Variants in EEF2 observed in about 807,000 individuals in gnomAD.
The protein encoded by EEF2 is eukaryotic translation elongation factor 2.
Under a neutral mutation model 85.3 loss-of-function variants are expected in EEF2, and 21 were observed. The observed-to-expected ratio is 0.25, with a 90% CI of 0.17 to 0.35. The LOEUF (loss-of-function observed/expected upper bound fraction) is 0.35. EEF2 is among the 10% of genes least tolerant of loss of function. The pLI is 1.00. For missense variants in EEF2, 825 were observed against 1,225.3 expected (o/e 0.67, Z 4.88); for synonymous variants, 723 against 508.8 (o/e 1.42, Z -5.67).
intron 1 of EEF2, chr19:3,985,002 C>T (rs550110873): frequency 9.5e-5 from 27 of 285,272 alleles, no homozygotes; most frequent in Non-Finnish European, 1.6e-4. Context: ...CGCCCCTAGT[C>T]CCCCGGCAGA....
At chr19:3,981,290 A>C in intron 7 of EEF2, 49 bp downstream of exon 7, 2 of 1,571,402 alleles carry the variant, frequency 1.3e-6, no homozygotes, top group Non-Finnish European at 1.8e-6. Flanking sequence ...AGCATCCGGA[A>C]ACAGCAGCCT....
At chr19:3,984,500 C>T in intron 1 of EEF2, 150 bp from the exon 2 acceptor site, 1 of 777,152 alleles carries the variant, frequency 1.3e-6, no homozygotes, top group Non-Finnish European at 2.1e-6. Flanking sequence ...GCCAGCCTAA[C>T]ACCCCTTAAG....
chr19:3,981,857 C>A (rs556769594), intron 6 of EEF2, 90 bp downstream of exon 6: 24 of 1,211,998 alleles, frequency 2.0e-5, no homozygotes, highest in Middle Eastern at 5.3e-4. Context: ...AGGAGACGGG[C>A]CCAGTCAGCC....
Position 3,976,367 on chromosome 19 carries a change from GAAAT to G in EEF2, c.*183_*186del, listed in dbSNP as rs1412130090. 9 of 683,692 alleles carry G rather than the reference GAAAT, an allele frequency of 1.3e-5. No homozygotes were observed. Among genetic ancestry groups the G allele is most frequent in the South Asian group, 1.2e-4 (6 of 51,684 alleles). 42.4% of individuals were successfully genotyped at this position (683,692 alleles called of 1,614,324 possible). On this transcript the variant is annotated 3_prime_UTR_variant, in exon 15 of 15. Transcript: ENST00000309311. Reference sequence around the variant, plus strand: ...GCGTGTCTGCTGCCTCCGGACTCTGGAAATAAATATTGAAAGAAACGGCATCAAG... The same window carrying G: ...GCGTGTCTGCTGCCTCCGGACTCTGGAAATATTGAAAGAAACGGCATCAAG...
intron 6 of EEF2, 51 bp downstream of exon 6, chr19:3,981,896 C>T: frequency 6.4e-7 from 1 of 1,568,472 alleles, no homozygotes; most frequent in Non-Finnish European, 8.8e-7. Context: ...GCCCACAGGG[C>T]CGAGGGCCAA....
chr19:3,984,990 G>A lies in EEF2; in HGVS notation c.3+388C>T, dbSNP rs536773929. The stretch of plus-strand genomic sequence containing the variant: ...CGCTTTGCTCGTTCTGCCATTCCCT[G>A]CCGCCCCTAGTCCCCCGGCAGAAAA... On this transcript the variant is annotated intron_variant, in intron 1 of 14. Coordinates refer to ENST00000309311, the MANE Select transcript of EEF2 (RefSeq NM_001961.4). 6 of 265,530 alleles carry A rather than the reference G, an allele frequency of 2.3e-5. No individual in the cohort carries two copies. The East Asian group carries it at 3.9e-4, about 17-fold the overall frequency. The allele number at this position is 265,530 out of a possible 1,614,324, so 16.4% of individuals were successfully genotyped here. A position where few individuals can be genotyped will look rare whatever the true frequency, so the allele number is the denominator to read the frequency against.
chr19:3,977,273 C>G lies in EEF2; in HGVS notation c.2325G>C (p.Gln775His), dbSNP rs1334250993. 3.7e-6 allele frequency: 6 copies of G among 1,612,592 alleles called. No individual in the cohort carries two copies. The highest frequency in any genetic ancestry group is 1.1e-5 in the South Asian group (1 of 90,878). ...RKRGHVFEES[Q>H]VAGTPMFVVK... Reference sequence around the variant, plus strand: ...CCACAAACATGGGGGTGCCGGCCACCTGGGACTCCTCGAACACGTGGCCCC... The same window carrying G: ...CCACAAACATGGGGGTGCCGGCCACGTGGGACTCCTCGAACACGTGGCCCC... The change falls in exon 14 of 15, where the codon CAG becomes CAC. Residue 775 changes from glutamine (Q) to histidine (H), a missense_variant. Gln to His is a conservative substitution (Grantham distance 24, BLOSUM62 0). Transcript: ENST00000309311. This position sits in a 1 kb window ranked among gnomAD's most constrained non-coding sequence, Gnocchi z 5.4.
Position 3,984,120 on chromosome 19 carries a change from G to T in EEF2, c.218+16C>A. On this transcript the variant is annotated intron_variant, in intron 2 of 14. Transcript: ENST00000309311. ...AGCACCTCCCTGCCTGGGTACAGAG[G>T]GCACAGGGAGCTCACGTTGACTTGA... is the stretch of plus-strand genomic sequence containing the variant. 1 of 1,612,910 alleles carries T rather than the reference G, an allele frequency of 6.2e-7. No individual in the cohort carries two copies. Among genetic ancestry groups the T allele is most frequent in the South Asian group, 1.1e-5 (1 of 91,026 alleles).
At chr19:3,979,755 C>T (rs2039722328) in intron 10 of EEF2, 53 bp downstream of exon 10, 1 of 1,581,348 alleles carries the variant, frequency 6.3e-7, no homozygotes, top group South Asian at 1.1e-5. Flanking sequence ...ACTCAGGACA[C>T]AAGCCGTCCC....
chr19:3,980,032 T>C lies in EEF2; in HGVS notation c.1381A>G (p.Ile461Val). ...ILMMGRYVEP[I>V]EDVPCGNIVG... Reference sequence around the variant, plus strand: ...ATGTTCCCACAAGGCACATCCTCGATGGGCTCCACGTAGCGGCCCATCATC... The same window carrying C: ...ATGTTCCCACAAGGCACATCCTCGACGGGCTCCACGTAGCGGCCCATCATC... Residue 461 changes from isoleucine (I) to valine (V), a missense_variant, in exon 10 of 15, where the codon ATC (isoleucine) becomes GTC (valine). Physicochemically the swap from Ile to Val is conservative, Grantham distance 29. Transcript: ENST00000309311. 2 of 1,613,604 alleles carry C rather than the reference T, an allele frequency of 1.2e-6. No individual in the cohort carries two copies. Among genetic ancestry groups the C allele is most frequent in the Middle Eastern group, 3.3e-4 (2 of 6,062 alleles).
rs1568197616 is a variant in EEF2 at position 3,976,128 on chromosome 19, G to C, written c.*426C>G. The C allele has an allele frequency of 4.5e-6, 1 of 219,794 alleles. No individual in the cohort carries two copies. The highest frequency in any genetic ancestry group is 2.4e-5 in the African/African-American group (1 of 42,192). The allele number at this position is 219,794 out of a possible 1,614,324, so 13.6% of individuals were successfully genotyped here. A position where few individuals can be genotyped will look rare whatever the true frequency, so the allele number is the denominator to read the frequency against. On this transcript the variant is annotated 3_prime_UTR_variant, in exon 15 of 15. Transcript: ENST00000309311. Reference sequence around the variant, plus strand: ...AGGTGCTCATGGTGACACCGCACAGGACTTCCTGCCTGCTAGAAATCATCT... The same window carrying C: ...AGGTGCTCATGGTGACACCGCACAGCACTTCCTGCCTGCTAGAAATCATCT...
intron 2 of EEF2, chr19:3,983,901 G>C: frequency 1.8e-6 from 1 of 560,676 alleles, no homozygotes; most frequent in East Asian, 3.0e-5. Context: ...CCCCAGGGAG[G>C]GAGAACCACG....
intron 8 of EEF2, 33 bp downstream of exon 8, chr19:3,980,808 G>A (rs374015099): frequency 3.6e-5 from 57 of 1,582,028 alleles, no homozygotes; most frequent in Non-Finnish European, 4.5e-5. Context: ...TCATCCGGCT[G>A]CATCTCAGGG....
rs555077387 is a variant in EEF2 at position 3,985,417 on chromosome 19, G to A, written c.-37C>T. The stretch of plus-strand genomic sequence containing the variant: ...GCGGTGGATTCTCCCAGGTAGAACC[G>A]AAAGAAGCGAGTCGCGCCGAGGATG... On this transcript the variant is annotated 5_prime_UTR_variant, in exon 1 of 15. Transcript: ENST00000309311. 16 of 1,481,022 alleles carry A rather than the reference G, an allele frequency of 1.1e-5. No individual in the cohort carries two copies. In the East Asian group the frequency reaches 1.1e-4, roughly 10 times the overall value. 91.7% of individuals were successfully genotyped at this position (1,481,022 alleles called of 1,614,324 possible). A position where few individuals can be genotyped will look rare whatever the true frequency, so the allele number is the denominator to read the frequency against.
Position 3,983,177 on chromosome 19 carries a change from G to A in EEF2, c.333C>T (p.Phe111=), listed in dbSNP as rs1460585350. ...NLIDSPGHVD[F]SSEVTAALRV... is the part of the protein sequence containing the mutation. ...GGAGGGCAGCAGTCACCTCCGAGGA[G>A]AAGTCGACATGCCCGGGGGAGTCAA... is the stretch of plus-strand genomic sequence containing the variant. The change falls in exon 3 of 15, where the codon TTC becomes TTT. Residue 111 remains phenylalanine, a synonymous_variant. Coordinates refer to ENST00000309311, the MANE Select transcript of EEF2 (RefSeq NM_001961.4). 2 of 1,614,138 alleles carry A rather than the reference G, an allele frequency of 1.2e-6. No individual in the cohort carries two copies. The highest frequency in any genetic ancestry group is 2.2e-5 in the South Asian group (2 of 91,080).
intron 9 of EEF2, 73 bp downstream of exon 9, chr19:3,980,441 A>G: frequency 6.6e-7 from 1 of 1,506,830 alleles, no homozygotes; most frequent in Non-Finnish European, 9.0e-7. Context: ...CTCCCGACTG[A>G]GGAGCCCAAG....
intron 1 of EEF2, chr19:3,984,705 C>A (rs1052168210): frequency 2.8e-5 from 6 of 217,592 alleles, no homozygotes; most frequent in Admixed American, 5.4e-5. Context: ...ACGTTGTCAC[C>A]GGGCCACCCA....
Position 3,981,545 on chromosome 19 carries a change from A to AG in EEF2, c.898-94dup, listed in dbSNP as rs1253170930. ...CTGCTTGGAAGACTCAGGTCAGCGC[A>AG]GGGGGACGCAGCACGGGAGCAGGAG... is the stretch of plus-strand genomic sequence containing the variant. On this transcript the variant is annotated intron_variant, in intron 6 of 14. Coordinates refer to ENST00000309311, the MANE Select transcript of EEF2 (RefSeq NM_001961.4). The AG allele has an allele frequency of 5.1e-6, 6 of 1,177,124 alleles. No individual in the cohort carries two copies. The Admixed American group carries it at 9.0e-5, about 18-fold the overall frequency. 72.9% of individuals were successfully genotyped at this position (1,177,124 alleles called of 1,614,324 possible). A position where few individuals can be genotyped will look rare whatever the true frequency, so the allele number is the denominator to read the frequency against.
At chr19:3,981,078 G>A (rs2039740173) in intron 7 of EEF2, 99 bp from the exon 8 acceptor site, 6 of 1,479,300 alleles carry the variant, frequency 4.1e-6, no homozygotes, top group Non-Finnish European at 5.4e-6. Flanking sequence ...GCCAAAGTCA[G>A]GACTAACGTT....
Sources: gnomAD v4.1 joint callset for allele counts on GRCh38, gnomAD v4.1.1 for gene constraint, Gnocchi (gnomAD v3.1) non-coding constraint, MANE v1.5 for transcripts, NCBI Gene and HGNC (gene_info 2026-07-23, HGNC 2026-07-21) for gene names.